The following GOLT1B variants were observed in gnomAD, a reference collection of about 807,000 sequenced individuals.
GOLT1B encodes vesicle transport protein GOT1B.
A neutral mutation model predicts 15.4 loss-of-function variants in GOLT1B; 3 were observed. That is an observed-to-expected ratio of 0.19 (90% CI 0.09 to 0.50). GOLT1B has a LOEUF of 0.50. GOLT1B is among the 20% of genes least tolerant of loss of function. GOLT1B has a pLI of 0.97. For synonymous variants in GOLT1B, 65 were observed against 56.2 expected (o/e 1.16, Z -0.70); for missense variants, 145 against 160.4 (o/e 0.90, Z 0.52).
At chr12:21,510,253 A>G (rs1321742721) in intron 3 of GOLT1B, among the ~76,000 whole-genome samples, 1 of 152,220 alleles carries the variant, frequency 6.6e-6, no homozygotes, top group Non-Finnish European at 1.5e-5. Context: ...TGGGAGAAGA[A>G]CTAGGAGTAA....
At chr12:21,505,346 T>C (rs1943671658) in intron 1 of GOLT1B, among the ~76,000 whole-genome samples, 3 of 152,214 alleles carry the variant, frequency 2.0e-5, no homozygotes, top group African/African-American at 7.2e-5. Flanking sequence ...AAATAGTTAT[T>C]TAATAGAATT....
Position 21,509,396 on chromosome 12 carries a change from CAAAAAAAAAAAA to C in GOLT1B, c.296+852_296+863del, listed in dbSNP as rs71053318. ...TAGGCAATAGAGCGAGACTCTGTCTCAAAAAAAAAAAAAAAAAAAAAAAAAAAACAGAAAAGA... is the reference window on the plus strand; with the variant it reads ...TAGGCAATAGAGCGAGACTCTGTCTCAAAAAAAAAAAAAAAACAGAAAAGA... On this transcript the variant is annotated intron_variant, in intron 3 of 4. Transcript: ENST00000229314. 1.9e-4 allele frequency among the ~76,000 whole-genome samples: 14 copies of C among 74,038 alleles called. No homozygotes were observed. In the Admixed American group the frequency reaches 2.4e-3, roughly 13 times the overall value. The allele number at this position is 74,038 out of a possible 152,430, so 48.6% of individuals were successfully genotyped here.
chr12:21,510,189 T>C (rs537306679), intron 3 of GOLT1B, among the ~76,000 whole-genome samples: 5 of 152,226 alleles, frequency 3.3e-5, no homozygotes, highest in African/African-American at 1.2e-4. Context: ...CTTTTGACAT[T>C]TTAGGGTAGG....
chr12:21,515,834 T>C lies in GOLT1B; in HGVS notation c.*127T>C. ...GTTCTTTACAGGAGTTTAAAACGTA[T>C]AGCCTACAAAGTACCAGCAGCAAAT... On this transcript the variant is annotated 3_prime_UTR_variant, in exon 5 of 5. Coordinates refer to ENST00000229314, the MANE Select transcript of GOLT1B (RefSeq NM_016072.5). The C allele has an allele frequency of 1.8e-6, 1 of 564,672 alleles. No individual in the cohort carries two copies. The highest frequency in any genetic ancestry group is 3.1e-6 in the Non-Finnish European group (1 of 324,070). 35.0% of individuals were successfully genotyped at this position (564,672 alleles called of 1,614,324 possible). A position where few individuals can be genotyped will look rare whatever the true frequency, so the allele number is the denominator to read the frequency against.
rs61926331 is a variant in GOLT1B, at chr12:21,508,860, G to A, written c.296+299G>A. Among the ~76,000 whole-genome samples the A allele has an allele frequency of 0.22, 32,714 of 150,378 alleles. 3,936 individuals are homozygous for A. Among genetic ancestry groups the A allele is most frequent in the South Asian group, 0.36 (1,674 of 4,690 alleles). ...TCAACTAAATAGTGGTAGGTAGGTC[G>A]GTCGATCGATCAATCGGTAGGTAGG... On this transcript the variant is annotated intron_variant, in intron 3 of 4. Coordinates refer to ENST00000229314, the MANE Select transcript of GOLT1B (RefSeq NM_016072.5).
At chr12:21,510,069 A>G (rs1943708787) in intron 3 of GOLT1B, among the ~76,000 whole-genome samples, 1 of 152,172 alleles carries the variant, frequency 6.6e-6, no homozygotes, top group South Asian at 2.1e-4. Context: ...GGTTGTTCTG[A>G]TATCAGGATA....
At chr12:21,503,528 CAA>C (rs1179747663) in intron 1 of GOLT1B, among the ~76,000 whole-genome samples, 1 of 152,194 alleles carries the variant, frequency 6.6e-6, no homozygotes. Context: ...TTTATAAAAA[CAA>C]GAGAGTGGGT....
Position 21,516,366 on chromosome 12 carries a change from A to G in GOLT1B, c.*659A>G, listed in dbSNP as rs1394034930. On this transcript the variant is annotated 3_prime_UTR_variant, in exon 5 of 5. Coordinates refer to ENST00000229314, the MANE Select transcript of GOLT1B (RefSeq NM_016072.5). ...TACTAACTTTTAGTTACTAAATTAT[A>G]GCTAAGTTTTGTCAGCAGCATACTC... The G allele has an allele frequency of 2.6e-5, 4 of 152,140 alleles. No individual in the cohort carries two copies. Among genetic ancestry groups the G allele is most frequent in the Admixed American group, 2.6e-4 (4 of 15,272 alleles). The allele number at this position is 152,140 out of a possible 1,614,324, so 9.4% of individuals were successfully genotyped here. A position where few individuals can be genotyped will look rare whatever the true frequency, so the allele number is the denominator to read the frequency against.
rs1403748813 is a variant in GOLT1B at position 21,517,799 on chromosome 12, A to G, written c.*2092A>G. The stretch of plus-strand genomic sequence containing the variant: ...TTTGGGACTGCCTGGCAACATTTAT[A>G]TTTCTTATTCAGAACCCTTGATGAG... On this transcript the variant is annotated 3_prime_UTR_variant, in exon 5 of 5. Coordinates refer to ENST00000229314, the MANE Select transcript of GOLT1B (RefSeq NM_016072.5). The G allele has an allele frequency of 1.3e-5, 2 of 152,546 alleles. No homozygotes were observed. The highest frequency in any genetic ancestry group is 6.5e-5 in the Admixed American group (1 of 15,274). 9.4% of individuals were successfully genotyped at this position (152,546 alleles called of 1,614,324 possible). A position where few individuals can be genotyped will look rare whatever the true frequency, so the allele number is the denominator to read the frequency against.
At chr12:21,503,492 G>T (rs1210220838) in intron 1 of GOLT1B, among the ~76,000 whole-genome samples, 1 of 152,178 alleles carries the variant, frequency 6.6e-6, no homozygotes, top group Non-Finnish European at 1.5e-5. Flanking sequence ...TATTTTTGAA[G>T]ACTTAATATA....
chr12:21,511,007 C>T (rs992605760), intron 3 of GOLT1B, among the ~76,000 whole-genome samples: 2 of 152,196 alleles, frequency 1.3e-5, no homozygotes, highest in African/African-American at 4.8e-5. Context: ...CAACAGACAA[C>T]AGCTGGGTGT....
chr12:21,504,145 C>T (rs1591759994), intron 1 of GOLT1B, among the ~76,000 whole-genome samples: 1 of 152,196 alleles, frequency 6.6e-6, no homozygotes, highest in Non-Finnish European at 1.5e-5. Flanking sequence ...CCACAGTATG[C>T]TCCTTATGTT....
intron 1 of GOLT1B, among the ~76,000 whole-genome samples, chr12:21,502,693 T>A (rs769825736): frequency 6.6e-6 from 1 of 152,204 alleles, no homozygotes; most frequent in Non-Finnish European, 1.5e-5. Context: ...AGCATTGATA[T>A]CGGTTTCCTT....
rs975912658 is a variant in GOLT1B, at chr12:21,517,282, G to A, written c.*1575G>A. 1.3e-5 allele frequency: 2 copies of A among 152,388 alleles called. No individual in the cohort carries two copies. Among genetic ancestry groups the A allele is most frequent in the Admixed American group, 6.6e-5 (1 of 15,252 alleles). 9.4% of individuals were successfully genotyped at this position (152,388 alleles called of 1,614,324 possible). A position where few individuals can be genotyped will look rare whatever the true frequency, so the allele number is the denominator to read the frequency against. Reference sequence around the variant, plus strand: ...AGTCTTAAGGATTAAGACATTTTTGGTACTTGCATTTGACTTACGATGTAT... The same window carrying A: ...AGTCTTAAGGATTAAGACATTTTTGATACTTGCATTTGACTTACGATGTAT... On this transcript the variant is annotated 3_prime_UTR_variant, in exon 5 of 5. Transcript: ENST00000229314.
intron 4 of GOLT1B, among the ~76,000 whole-genome samples, chr12:21,512,849 G>T (rs531437642): frequency 6.6e-6 from 1 of 152,236 alleles, no homozygotes; most frequent in South Asian, 2.1e-4. Context: ...TGAATTGCTT[G>T]AGCCTAGGAG....
At chr12:21,507,965 A>T (rs945533884) in intron 2 of GOLT1B, 3 of 454,410 alleles carry the variant, frequency 6.6e-6, no homozygotes, top group African/African-American at 6.0e-5. Flanking sequence ...GCCTATGATG[A>T]ATATTTCAGA....
At chr12:21,515,361 C>G in intron 4 of GOLT1B, 1 of 658,752 alleles carries the variant, frequency 1.5e-6, no homozygotes, top group East Asian at 2.8e-5. Flanking sequence ...TTTTGTTAAG[C>G]TAGCAGTGTT....
rs920202504 is a variant in GOLT1B, at chr12:21,517,864, A to G, written c.*2157A>G. 2.6e-5 allele frequency: 4 copies of G among 152,510 alleles called. No homozygotes were observed. The highest frequency in any genetic ancestry group is 2.6e-4 in the Admixed American group (4 of 15,276). 9.4% of individuals were successfully genotyped at this position (152,510 alleles called of 1,614,324 possible). A position where few individuals can be genotyped will look rare whatever the true frequency, so the allele number is the denominator to read the frequency against. Reference sequence around the variant, plus strand: ...TACTAGTCTGCTGATAGAAAGCACTATACATCCTATTGTTTCTTTCTTTCC... The same window carrying G: ...TACTAGTCTGCTGATAGAAAGCACTGTACATCCTATTGTTTCTTTCTTTCC... On this transcript the variant is annotated 3_prime_UTR_variant, in exon 5 of 5. Transcript: ENST00000229314.
At chr12:21,507,492 T>C (rs1476898897) in intron 2 of GOLT1B, among the ~76,000 whole-genome samples, 1 of 149,200 alleles carries the variant, frequency 6.7e-6, no homozygotes, top group African/African-American at 2.5e-5. Flanking sequence ...TAATAACCCT[T>C]CTAAGGTAGT....
Sources: gnomAD v4.1 joint callset for allele counts (sites outside exome capture counted in the v4.1 genomes callset) on GRCh38, gnomAD v4.1.1 for gene constraint, MANE v1.5 for transcripts, NCBI Gene and HGNC (gene_info 2026-07-23, HGNC 2026-07-21) for gene names.